The following NAF1 variants were observed in gnomAD, a reference collection of about 807,000 sequenced individuals.
NAF1 encodes the protein nuclear assembly factor 1 ribonucleoprotein, also known as H/ACA ribonucleoprotein complex non-core subunit NAF1.
Under a neutral mutation model 40.6 loss-of-function variants are expected in NAF1, and 11 were observed. The observed-to-expected ratio is 0.27, with a 90% CI of 0.17 to 0.45. The LOEUF (loss-of-function observed/expected upper bound fraction) is 0.45, where lower values mean the gene tolerates loss of function less well. Ranked by LOEUF, NAF1 falls within the 20% of genes least tolerant of loss-of-function variation. NAF1 has a pLI of 1.00. For missense variants in NAF1, 607 were observed against 611.1 expected, an observed-to-expected ratio of 0.99 and a Z score of 0.07; for synonymous variants, 260 against 228.5, an observed-to-expected ratio of 1.14 and a Z score of -1.24.
intron 6 of NAF1, 113 bp from the exon 7 acceptor site, chr4:163,133,369 GTTGT>G: frequency 1.4e-6 from 1 of 721,604 alleles, no homozygotes; most frequent in Non-Finnish European, 2.2e-6. Flanking sequence ...TCTAAAAAAA[GTTGT>G]CTTTTTGATA....
intron 4 of NAF1, among the ~76,000 whole-genome samples, chr4:163,144,884 G>A (rs1033371049): frequency 2.5e-4 from 38 of 152,076 alleles, no homozygotes; most frequent in African/African-American, 8.9e-4. Flanking sequence ...AAAGTGTTGA[G>A]TATTTTCAGA....
At chr4:163,147,191 A>G (rs965754516) in intron 3 of NAF1, among the ~76,000 whole-genome samples, 1 of 152,186 alleles carries the variant, frequency 6.6e-6, no homozygotes, top group Non-Finnish European at 1.5e-5. Context: ...AATAAACTGA[A>G]AAAGTACAAA....
At chr4:163,127,177 T>A (rs1387071663), downstream of NAF1, 11 of 1,515,528 alleles carry the variant, frequency 7.3e-6, no homozygotes, top group Non-Finnish European at 9.7e-6. Flanking sequence ...CCACCCAGGC[T>A]GGAGTGCAAT....
At chr4:163,134,385 A>G (rs1730980172) in intron 6 of NAF1, among the ~76,000 whole-genome samples, 1 of 152,212 alleles carries the variant, frequency 6.6e-6, no homozygotes, top group Non-Finnish European at 1.5e-5. Context: ...AGGAATCCAT[A>G]CACTTCAGAT....
chr4:163,139,333 C>A (rs1244422607), intron 5 of NAF1, among the ~76,000 whole-genome samples: 1 of 152,054 alleles, frequency 6.6e-6, no homozygotes. Context: ...AAACTGAGTG[C>A]AAAGTCTTTC....
At chr4:163,126,836 C>A, downstream of NAF1, 1 of 1,206,560 alleles carries the variant, frequency 8.3e-7, no homozygotes, top group Non-Finnish European at 1.1e-6. Flanking sequence ...CCTGATTAGT[C>A]AGCGGCCAAC....
At chr4:163,125,023 T>C (rs1189896005), downstream of NAF1, among the ~76,000 whole-genome samples, 2 of 152,210 alleles carry the variant, frequency 1.3e-5, no homozygotes, top group African/African-American at 4.8e-5. Flanking sequence ...CAGTGATCTT[T>C]GATGTTACTA....
chr4:163,122,263 AT>A (rs1489894569), downstream of NAF1, among the ~76,000 whole-genome samples: 3 of 152,200 alleles, frequency 2.0e-5, no homozygotes, highest in African/African-American at 7.2e-5. Flanking sequence ...TCAGATTCTC[AT>A]TTCTTTACCA....
the NAF1 span, among the ~76,000 whole-genome samples, chr4:163,104,150 G>C: frequency 6.6e-6 from 1 of 152,086 alleles, no homozygotes; most frequent in African/African-American, 2.4e-5. Flanking sequence ...AAGGTTAATC[G>C]CTCAGTTAAG....
chr4:163,148,652 A>C (rs984975321), intron 2 of NAF1, among the ~76,000 whole-genome samples: 1 of 152,150 alleles, frequency 6.6e-6, no homozygotes, highest in South Asian at 2.1e-4. Flanking sequence ...TCAAGTATAC[A>C]CCCCAAATTC....
At chr4:163,122,711 C>T (rs529814875), downstream of NAF1, among the ~76,000 whole-genome samples, 5 of 152,212 alleles carry the variant, frequency 3.3e-5, no homozygotes, top group South Asian at 1.0e-3. Context: ...CATGAGGGCT[C>T]CCCCCTCACT....
chr4:163,150,497 T>C (rs1055852681), intron 2 of NAF1, among the ~76,000 whole-genome samples: 2 of 152,176 alleles, frequency 1.3e-5, no homozygotes, highest in Non-Finnish European at 2.9e-5. Flanking sequence ...GGTACCCTTT[T>C]TACTGATCAT....
intron 6 of NAF1, 96 bp downstream of exon 6, chr4:163,137,103 G>T: frequency 7.3e-7 from 1 of 1,372,692 alleles, no homozygotes; most frequent in Non-Finnish European, 1.0e-6. Flanking sequence ...CTGCTAGCCA[G>T]TATTAATGAC....
intron 2 of NAF1, among the ~76,000 whole-genome samples, chr4:163,121,568 C>T (rs972951297): frequency 1.2e-4 from 19 of 152,226 alleles, no homozygotes; most frequent in African/African-American, 4.6e-4. Context: ...ACTTTTTAAA[C>T]ATTTAGACCT....
chr4:163,136,962 A>C (rs1276948882), intron 6 of NAF1, among the ~76,000 whole-genome samples: 2 of 152,224 alleles, frequency 1.3e-5, no homozygotes, highest in East Asian at 3.8e-4. Context: ...TAATTATTAA[A>C]ATACAACTAA....
chr4:163,110,605 C>T (rs1440326082), intron 2 of NAF1, among the ~76,000 whole-genome samples: 3 of 152,136 alleles, frequency 2.0e-5, no homozygotes, highest in African/African-American at 7.2e-5. Context: ...TTTGCATATT[C>T]TCTTACTGAT....
intron 4 of NAF1, among the ~76,000 whole-genome samples, chr4:163,143,369 A>G (rs542378919): frequency 4.6e-5 from 7 of 152,344 alleles, no homozygotes; most frequent in Admixed American, 6.5e-5. Flanking sequence ...TATAGAGTGC[A>G]TGCAGTTCCC....
chr4:163,123,647 T>G (rs867595275), downstream of NAF1, among the ~76,000 whole-genome samples: 1 of 152,054 alleles, frequency 6.6e-6, no homozygotes, highest in Non-Finnish European at 1.5e-5. Context: ...CCTCCCAAAG[T>G]GTTGGGATTA....
the NAF1 span, among the ~76,000 whole-genome samples, chr4:163,103,986 G>A: frequency 6.6e-6 from 1 of 152,078 alleles, no homozygotes; most frequent in Non-Finnish European, 1.5e-5. Context: ...TCCAAAAAGA[G>A]AGTCAGAGAA....
Sources: gnomAD v4.1 joint callset for allele counts (sites outside exome capture counted in the v4.1 genomes callset) on GRCh38, gnomAD v4.1.1 for gene constraint, MANE v1.5 for transcripts, NCBI Gene and HGNC (gene_info 2026-07-23, HGNC 2026-07-21) for gene names.